The following CIT variants were observed in gnomAD, a reference collection of about 807,000 sequenced individuals.
CIT encodes citron Rho-interacting kinase.
A neutral mutation model predicts 272.7 loss-of-function variants in CIT; 79 were observed. The observed-to-expected ratio is 0.29, with a 90% CI of 0.24 to 0.35. The LOEUF is 0.35. Among genes scored for constraint, CIT ranks in the 10% least tolerant of loss-of-function variants. CIT has a pLI of 1.00. For missense variants in CIT, 1,909 were observed against 2,618.3 expected (o/e 0.73, Z 5.91); for synonymous variants, 948 against 995.6 (o/e 0.95, Z 0.90).
At chr12:119,732,603 C>G (rs1958520314) in intron 26 of CIT, among the ~76,000 whole-genome samples, 1 of 152,184 alleles carries the variant, frequency 6.6e-6, no homozygotes, top group Admixed American at 6.5e-5. Flanking sequence ...TCTACCATTT[C>G]TTTTGAAATG....
intron 10 of CIT, among the ~76,000 whole-genome samples, chr12:119,800,753 A>C (rs1337724491): frequency 2.6e-5 from 4 of 152,182 alleles, no homozygotes; most frequent in African/African-American, 9.7e-5. Flanking sequence ...CAAAGGTGGT[A>C]CCCCCAGAAA....
In CIT at chr12:119,768,841, C is replaced by G. The variant is rs549383670; in HGVS notation, c.2209-1659G>C. Among the ~76,000 whole-genome samples the G allele has an allele frequency of 3.9e-5, 6 of 152,156 alleles. No homozygotes were observed. The East Asian group carries it at 1.2e-3, about 29-fold the overall frequency. ...TATCAGAATAGCAAATATTTTAAAG[C>G]CAATGACATTTGGCGATGTATGTTC... is the stretch of plus-strand genomic sequence containing the variant. On this transcript the variant is annotated intron_variant, in intron 18 of 47. Coordinates refer to ENST00000392521, the MANE Select transcript of CIT (RefSeq NM_001206999.2). The surrounding 1 kb of genome is among the most constrained non-coding windows in gnomAD (Gnocchi z 4.3).
At chr12:119,751,793 AAAG>A (rs1469353805) in intron 23 of CIT, among the ~76,000 whole-genome samples, 1 of 152,192 alleles carries the variant, frequency 6.6e-6, no homozygotes, top group Non-Finnish European at 1.5e-5. Flanking sequence ...GATTTTTTCA[AAAG>A]AAGGAAAATA....
intron 19 of CIT, among the ~76,000 whole-genome samples, chr12:119,765,206 C>A (rs1222490821): frequency 6.6e-6 from 1 of 151,716 alleles, no homozygotes; most frequent in African/African-American, 2.4e-5. Context: ...AGATATGAAT[C>A]TACTCAAAAG....
intron 21 of CIT, among the ~76,000 whole-genome samples, chr12:119,758,205 T>C (rs1961284183): frequency 1.3e-5 from 2 of 152,184 alleles, no homozygotes; most frequent in African/African-American, 4.8e-5. Flanking sequence ...AACCCCAAAC[T>C]TCCTTCCATA....
At chr12:119,799,841 G>GTT (rs3999586) in intron 10 of CIT, among the ~76,000 whole-genome samples, 64,358 of 146,400 alleles carry the variant, frequency 0.44, 14,588 homozygotes, top group Admixed American at 0.59. Flanking sequence ...AACTTTATGA[G>GTT]TTTTTTTTTT....
In CIT at chr12:119,803,305, G is replaced by A; in HGVS notation, c.1196C>T (p.Ser399Phe). ...DEPEKNSWVS[S>F]SPCQLSPSGF... ...TGAGGGGCTCAGCTGGCACGGAGAG[G>A]ATGAAACCCACGAATTCTTCTCTGG... The change falls in exon 10 of 48, where the codon TCC becomes TTC. Residue 399 changes from serine (S) to phenylalanine (F), a missense_variant. This residue lies in a region of CIT where 529 missense variants were observed against 549.6 expected (regional missense o/e 0.96). Coordinates refer to ENST00000392521, the MANE Select transcript of CIT (RefSeq NM_001206999.2). The A allele has an allele frequency of 6.2e-7, 1 of 1,610,428 alleles. No individual in the cohort carries two copies.
chr12:119,842,388 CAAAAAA>C (rs58634070), intron 5 of CIT, among the ~76,000 whole-genome samples: 181 of 71,526 alleles, frequency 2.5e-3, no homozygotes, highest in African/African-American at 8.0e-3. Flanking sequence ...GACTGCATCT[CAAAAAA>C]AAAAAAAAAA....
At position 119,817,199 on chromosome 12, in the gene CIT, C is replaced by G. The variant is rs112887830; in HGVS notation, c.1111+5621G>C. The stretch of plus-strand genomic sequence containing the variant: ...AGATCACCAGGTCACAGCCTATAGT[C>G]TGTATTTTGCTTAAAATCAAGCACA... On this transcript the variant is annotated intron_variant, in intron 9 of 47. Transcript: ENST00000392521. Among the ~76,000 whole-genome samples the G allele has an allele frequency of 1.1e-3, 171 of 152,258 alleles. 1 individual carries two copies. Among genetic ancestry groups the G allele is most frequent in the African/African-American group, 3.8e-3 (156 of 41,566 alleles).
chr12:119,764,593 G>A (rs1275707134), intron 19 of CIT, among the ~76,000 whole-genome samples: 1 of 143,772 alleles, frequency 7.0e-6, no homozygotes, highest in African/African-American at 2.6e-5. Context: ...GGGTGACAGA[G>A]TGAGATCCTG....
At chr12:119,802,796 A>T (rs1966306530) in intron 10 of CIT, among the ~76,000 whole-genome samples, 1 of 152,200 alleles carries the variant, frequency 6.6e-6, no homozygotes, top group African/African-American at 2.4e-5. Context: ...CAGCCAAGAT[A>T]GCAACCCCCA....
chr12:119,853,393 T>C (rs901243773), intron 4 of CIT, among the ~76,000 whole-genome samples: 1 of 152,096 alleles, frequency 6.6e-6, no homozygotes, highest in African/African-American at 2.4e-5. Flanking sequence ...ATTGTTTAGG[T>C]TATTGTTAGA....
chr12:119,742,748 A>G (rs1959119878), intron 23 of CIT: 1 of 281,216 alleles, frequency 3.6e-6, no homozygotes, highest in Non-Finnish European at 6.6e-6. Context: ...TTAGGAGAAA[A>G]GGGAAAAAAA....
chr12:119,738,047 T>C (rs954557894), intron 24 of CIT, among the ~76,000 whole-genome samples: 1 of 152,158 alleles, frequency 6.6e-6, no homozygotes, highest in Non-Finnish European at 1.5e-5. Context: ...TTGAAGTAGG[T>C]ATTATTTTAT....
Position 119,752,260 on chromosome 12 carries a change from G to C in CIT, c.2707-13C>G. On this transcript the variant is annotated splice_polypyrimidine_tract_variant and intron_variant, in intron 22 of 47. Transcript: ENST00000392521. ...GCTCTAGACTGACCTGAGACAGAGAGAGAGAGAGAAAGAGAGATAAACCCT... is the reference window on the plus strand; with the variant it reads ...GCTCTAGACTGACCTGAGACAGAGACAGAGAGAGAAAGAGAGATAAACCCT... 1 of 1,589,302 alleles carries C rather than the reference G, an allele frequency of 6.3e-7. No homozygotes were observed. Among genetic ancestry groups the C allele is most frequent in the Non-Finnish European group, 8.6e-7 (1 of 1,169,202 alleles).
chr12:119,812,892 A>G (rs1490055468), intron 9 of CIT, among the ~76,000 whole-genome samples: 1 of 152,152 alleles, frequency 6.6e-6, no homozygotes, highest in Non-Finnish European at 1.5e-5. Context: ...TTATTTGGCC[A>G]TGTTTTACTA....
At chr12:119,800,889 A>G (rs1966139392) in intron 10 of CIT, among the ~76,000 whole-genome samples, 1 of 152,206 alleles carries the variant, frequency 6.6e-6, no homozygotes, top group African/African-American at 2.4e-5. Context: ...AGGGTCATCT[A>G]CATCCAACAG....
intron 10 of CIT, among the ~76,000 whole-genome samples, chr12:119,789,499 A>G (rs933321918): frequency 1.9e-4 from 29 of 152,206 alleles, no homozygotes; most frequent in African/African-American, 9.6e-5. Flanking sequence ...ATGAATTTCT[A>G]TAAAAGAAAT....
Position 119,735,328 on chromosome 12 carries a change from G to A in CIT, c.2988C>T (p.Asn996=). Residue 996 remains asparagine, a synonymous_variant, in exon 25 of 48, where the codon AAC becomes AAT. Transcript: ENST00000392521. ...GTTCAGCGTTGTCCTCGGTCAGCTG[G>A]TTTAGCTGCTCCTCCAGGTCTGTGA... ...TVITDLEEQL[N]QLTEDNAELN... is the part of the protein sequence containing the mutation. 1 of 1,614,182 alleles carries A rather than the reference G, an allele frequency of 6.2e-7. No individual in the cohort carries two copies. The highest frequency in any genetic ancestry group is 8.5e-7 in the Non-Finnish European group (1 of 1,180,024).
Sources: gnomAD v4.1 joint callset for allele counts (sites outside exome capture counted in the v4.1 genomes callset) on GRCh38, gnomAD v4.1.1 for gene constraint, gnomAD v4.1.1 regional missense constraint, Gnocchi (gnomAD v3.1) non-coding constraint, MANE v1.5 for transcripts, NCBI Gene and HGNC (gene_info 2026-07-23, HGNC 2026-07-21) for gene names.